Variants in DISP1 observed in about 807,000 individuals in gnomAD.
DISP1 encodes protein dispatched homolog 1.
In DISP1, 30 loss-of-function variants were observed where a neutral mutation model predicts 37.3. That is an observed-to-expected ratio of 0.80 (90% CI 0.60 to 1.09). The LOEUF is 1.09. DISP1 is among the 50% of genes least tolerant of loss of function. DISP1 has a pLI of 0.00. For synonymous variants in DISP1, 634 were observed against 690.2 expected, an observed-to-expected ratio of 0.92 and a Z score of 1.28; for missense variants, 1,598 against 1,879.5, an observed-to-expected ratio of 0.85 and a Z score of 2.77.
At chr1:222,918,210 T>C (rs1672603268) in intron 1 of DISP1, among the ~76,000 whole-genome samples, 1 of 152,184 alleles carries the variant, frequency 6.6e-6, no homozygotes, top group South Asian at 2.1e-4. Context: ...GGCATATTGA[T>C]TCCCTCTCCC....
intron 1 of DISP1, among the ~76,000 whole-genome samples, chr1:222,852,470 G>A (rs1394795933): frequency 6.6e-6 from 1 of 152,044 alleles, no homozygotes; most frequent in Non-Finnish European, 1.5e-5. Flanking sequence ...GCCTCCCAAT[G>A]TGCTGGGATT....
intron 1 of DISP1, among the ~76,000 whole-genome samples, chr1:222,895,193 T>C (rs912189306): frequency 2.6e-5 from 4 of 152,204 alleles, no homozygotes; most frequent in African/African-American, 9.6e-5. Flanking sequence ...TAGGTTGTTA[T>C]GGTTTGGAAC....
intron 1 of DISP1, among the ~76,000 whole-genome samples, chr1:222,823,446 C>G (rs143961827): frequency 2.6e-5 from 4 of 152,154 alleles, no homozygotes; most frequent in African/African-American, 9.7e-5. Context: ...TCAAATACTA[C>G]ATGTTCTCAC....
intron 1 of DISP1, among the ~76,000 whole-genome samples, chr1:222,870,972 G>A (rs1669534415): frequency 6.6e-6 from 1 of 152,168 alleles, no homozygotes; most frequent in Non-Finnish European, 1.5e-5. Context: ...TTTGTGTAAA[G>A]TGTAAGGAAG....
intron 1 of DISP1, among the ~76,000 whole-genome samples, chr1:222,882,618 T>G (rs892722853): frequency 2.0e-5 from 3 of 152,210 alleles, no homozygotes; most frequent in Non-Finnish European, 4.4e-5. Flanking sequence ...CTCTGTATGT[T>G]TCCTTTGTTC....
intron 1 of DISP1, among the ~76,000 whole-genome samples, chr1:222,867,020 A>T (rs1669231114): frequency 6.6e-6 from 1 of 152,220 alleles, no homozygotes; most frequent in Non-Finnish European, 1.5e-5. Flanking sequence ...GGTGGTGTTC[A>T]TGTTTCTTTT....
intron 1 of DISP1, among the ~76,000 whole-genome samples, chr1:222,816,349 C>T (rs1269355422): frequency 6.6e-6 from 1 of 152,086 alleles, no homozygotes; most frequent in Non-Finnish European, 1.5e-5. Context: ...CAAAGATTCT[C>T]CTAGCTTTTA....
chr1:222,845,676 G>C (rs368728479), intron 1 of DISP1, among the ~76,000 whole-genome samples: 5 of 152,218 alleles, frequency 3.3e-5, no homozygotes, highest in African/African-American at 1.2e-4. Flanking sequence ...TTATGACTGT[G>C]AACTGATTTG....
intron 1 of DISP1, among the ~76,000 whole-genome samples, chr1:222,831,788 G>A (rs1354745073): frequency 1.3e-5 from 2 of 152,106 alleles, no homozygotes; most frequent in African/African-American, 4.8e-5. Flanking sequence ...GACCAGTTTG[G>A]TTATAATATA....
chr1:222,894,024 G>A (rs1054856368), intron 1 of DISP1, among the ~76,000 whole-genome samples: 13 of 152,136 alleles, frequency 8.5e-5, no homozygotes, highest in African/African-American at 2.2e-4. Context: ...TTGAGGAGAC[G>A]TGAAGTGGGT....
At chr1:222,816,539 T>C (rs1479354079) in intron 1 of DISP1, among the ~76,000 whole-genome samples, 4 of 152,250 alleles carry the variant, frequency 2.6e-5, no homozygotes, top group African/African-American at 7.2e-5. Flanking sequence ...CAGGTAACTT[T>C]TAGATCTGAT....
intron 1 of DISP1, among the ~76,000 whole-genome samples, chr1:222,853,824 A>G (rs1391040704): frequency 6.6e-6 from 1 of 152,208 alleles, no homozygotes; most frequent in Non-Finnish European, 1.5e-5. Context: ...CTAGTGTTCT[A>G]TATCACTGCA....
At chr1:222,952,026 C>T (rs1441812907) in intron 3 of DISP1, among the ~76,000 whole-genome samples, 1 of 152,044 alleles carries the variant, frequency 6.6e-6, no homozygotes, top group Non-Finnish European at 1.5e-5. Context: ...ATTCATATTC[C>T]CCTCTTTTCC....
chr1:222,881,374 T>C (rs1056744567), intron 1 of DISP1, among the ~76,000 whole-genome samples: 2 of 152,080 alleles, frequency 1.3e-5, no homozygotes, highest in Admixed American at 6.5e-5. Flanking sequence ...TTTGTATTTT[T>C]AGTAGAGACG....
rs376350297 is a variant in DISP1, at chr1:222,943,382, A to T, written c.509+50A>T. On this transcript the variant is annotated intron_variant, in intron 3 of 8. Coordinates refer to ENST00000675850, the MANE Select transcript of DISP1 (RefSeq NM_001377229.1). ...TTAGCATTCAACTAATGCCACGTGAACATGACAGCTTGTGTTTATTTTCCT... is the reference window on the plus strand; with the variant it reads ...TTAGCATTCAACTAATGCCACGTGATCATGACAGCTTGTGTTTATTTTCCT... 4.3e-6 allele frequency: 7 copies of T among 1,610,766 alleles called. No individual in the cohort carries two copies. In the African/African-American group the frequency reaches 6.7e-5, roughly 15 times the overall value.
intron 3 of DISP1, among the ~76,000 whole-genome samples, chr1:222,981,208 C>T (rs1677809603): frequency 6.6e-6 from 1 of 152,170 alleles, no homozygotes; most frequent in Non-Finnish European, 1.5e-5. Flanking sequence ...GGCTTTTCTT[C>T]CTTGGTTTTA....
chr1:222,822,673 A>G (rs767884360), intron 1 of DISP1, among the ~76,000 whole-genome samples: 33 of 152,334 alleles, frequency 2.2e-4, no homozygotes, highest in Admixed American at 6.5e-4. Flanking sequence ...CTGTTTTACA[A>G]TTCTACAGTT....
chr1:222,927,373 A>G (rs1673147277), intron 1 of DISP1, among the ~76,000 whole-genome samples: 1 of 152,068 alleles, frequency 6.6e-6, no homozygotes, highest in Non-Finnish European at 1.5e-5. Context: ...CTATTCAAAC[A>G]CTTTACCTCT....
intron 1 of DISP1, among the ~76,000 whole-genome samples, chr1:222,872,849 C>T: frequency 6.6e-6 from 1 of 152,140 alleles, no homozygotes. Flanking sequence ...TTCTCTAGTT[C>T]TTTTAATAGT....
Sources: gnomAD v4.1 joint callset for allele counts (sites outside exome capture counted in the v4.1 genomes callset) on GRCh38, gnomAD v4.1.1 for gene constraint, MANE v1.5 for transcripts, NCBI Gene and HGNC (gene_info 2026-07-23, HGNC 2026-07-21) for gene names.